The following CIROZ variants were observed in gnomAD, a reference collection of about 807,000 sequenced individuals.
The protein encoded by CIROZ is ciliated left-right organizer protein containing ZP-N domains.
chr1:10,957,929 A>C, the CIROZ span, among the ~76,000 whole-genome samples: 20 of 152,342 alleles, frequency 1.3e-4, no homozygotes, highest in African/African-American at 3.6e-4. Context: ...ACCAGACGCT[A>C]GCACGCTTAT....
At chr1:10,957,766 G>A in the CIROZ span, 1,301 of 1,609,808 alleles carry the variant, frequency 8.1e-4, 24 homozygotes, top group East Asian at 0.023. Context: ...GGAGAAAGAG[G>A]ACACGATCAC....
At chr1:10,955,046 C>T in the CIROZ span, 1 of 1,613,584 alleles carries the variant, frequency 6.2e-7, no homozygotes, top group Non-Finnish European at 8.5e-7. Flanking sequence ...TCCTTGTTCT[C>T]AGTCACCATA....
the CIROZ span, chr1:10,949,512 A>G: frequency 8.3e-7 from 1 of 1,205,406 alleles, no homozygotes; most frequent in Non-Finnish European, 1.2e-6. Flanking sequence ...CTCTCTTTGG[A>G]AGAATGGTGG....
chr1:10,981,006 C>T, the CIROZ span, among the ~76,000 whole-genome samples: 3 of 152,256 alleles, frequency 2.0e-5, no homozygotes, highest in South Asian at 4.1e-4. Flanking sequence ...AAAAGCCCTG[C>T]AGTCCACGGC....
At chr1:10,973,773 C>A in the CIROZ span, among the ~76,000 whole-genome samples, 9 of 152,106 alleles carry the variant, frequency 5.9e-5, no homozygotes, top group Admixed American at 2.6e-4. Flanking sequence ...CAGGCAGGAG[C>A]CCCACCCTCC....
chr1:10,950,030 CTTTTTTTTT>C, the CIROZ span, among the ~76,000 whole-genome samples: 1 of 101,694 alleles, frequency 9.8e-6, no homozygotes, highest in East Asian at 3.0e-4. Flanking sequence ...CATCAAGATT[CTTTTTTTTT>C]TTTTTTTTTT....
the CIROZ span, among the ~76,000 whole-genome samples, chr1:10,967,245 C>T: frequency 6.6e-6 from 1 of 151,972 alleles, no homozygotes; most frequent in East Asian, 1.9e-4. Context: ...GACCCCCTTT[C>T]CCACTTCTCT....
the CIROZ span, among the ~76,000 whole-genome samples, chr1:10,953,407 G>A: frequency 3.3e-5 from 5 of 152,192 alleles, no homozygotes; most frequent in African/African-American, 1.2e-4. Context: ...TCCATTAGCG[G>A]AGCTTTCGCC....
At chr1:10,967,226 C>T in the CIROZ span, among the ~76,000 whole-genome samples, 2 of 151,898 alleles carry the variant, frequency 1.3e-5, no homozygotes, top group African/African-American at 2.4e-5. Flanking sequence ...GACCTGCCCT[C>T]ACTTCTCTGA....
chr1:10,979,943 A>T, the CIROZ span, among the ~76,000 whole-genome samples: 1 of 152,206 alleles, frequency 6.6e-6, no homozygotes, highest in East Asian at 1.9e-4. Context: ...GCTACTCAGG[A>T]GGCTGAGGCA....
At chr1:10,973,964 C>CCCA in the CIROZ span, among the ~76,000 whole-genome samples, 709 of 151,938 alleles carry the variant, frequency 4.7e-3, 8 homozygotes, top group African/African-American at 0.016. Context: ...GGACCCCCCC[C>CCCA]ACCAAGTCTC....
At chr1:10,948,701 A>G in the CIROZ span, 1 of 1,586,350 alleles carries the variant, frequency 6.3e-7, no homozygotes, top group Non-Finnish European at 8.6e-7. Flanking sequence ...GCGTGGCTGG[A>G]GGTGTGGGGT....
the CIROZ span, among the ~76,000 whole-genome samples, chr1:10,961,429 A>T: frequency 3.4e-5 from 5 of 147,978 alleles, no homozygotes; most frequent in Non-Finnish European, 7.4e-5. Flanking sequence ...AAGGAACTTT[A>T]GAGAGTCCAA....
the CIROZ span, among the ~76,000 whole-genome samples, chr1:10,974,936 C>A: frequency 2.6e-5 from 4 of 152,070 alleles, no homozygotes; most frequent in African/African-American, 9.7e-5. The surrounding 1 kb of genome is among the most constrained non-coding windows in gnomAD (Gnocchi z 4.4). Context: ...GACTCTTGAA[C>A]CTTGTAGCAC....
At chr1:10,966,525 G>A in the CIROZ span, 8 of 1,484,084 alleles carry the variant, frequency 5.4e-6, no homozygotes, top group South Asian at 1.0e-4. Context: ...AGCCTGTGGA[G>A]GTGGCTTCTC....
At chr1:10,970,268 C>T in the CIROZ span, among the ~76,000 whole-genome samples, 1 of 151,830 alleles carries the variant, frequency 6.6e-6, no homozygotes, top group Admixed American at 6.6e-5. Context: ...TGACCCTTTA[C>T]TCCATACAGA....
At chr1:10,978,704 T>C in the CIROZ span, among the ~76,000 whole-genome samples, 31 of 151,914 alleles carry the variant, frequency 2.0e-4, no homozygotes, top group South Asian at 2.7e-3. Context: ...AGCGAGACCC[T>C]GTCTCAAAAA....
At chr1:10,948,070 C>CG in the CIROZ span, 1 of 1,613,388 alleles carries the variant, frequency 6.2e-7, no homozygotes, top group Non-Finnish European at 8.5e-7. Flanking sequence ...CTGGGCATCC[C>CG]GGTGAGTTCA....
At chr1:10,949,401 A>G in the CIROZ span, 3 of 590,280 alleles carry the variant, frequency 5.1e-6, no homozygotes, top group Non-Finnish European at 8.9e-6. Context: ...AGGCCGACAG[A>G]TGAGGGGGGC....
Sources: gnomAD v4.1 joint callset for allele counts (sites outside exome capture counted in the v4.1 genomes callset) on GRCh38, gnomAD v4.1.1 for gene constraint, Gnocchi (gnomAD v3.1) non-coding constraint, MANE v1.5 for transcripts, NCBI Gene and HGNC (gene_info 2026-07-23, HGNC 2026-07-21) for gene names.